The following DCLK1 variants were observed in gnomAD, a reference collection of about 807,000 sequenced individuals.
The protein encoded by DCLK1 is doublecortin like kinase 1, also known as serine/threonine-protein kinase DCLK1.
Under a neutral mutation model 86.2 loss-of-function variants are expected in DCLK1, and 16 were observed. The ratio of observed to expected loss-of-function variants is 0.19; its 90% CI spans 0.13 to 0.28. DCLK1 has a LOEUF of 0.28. DCLK1 is among the 10% of genes least tolerant of loss of function. DCLK1 has a pLI of 1.00. For synonymous variants in DCLK1, 369 were observed against 370.5 expected (o/e 1.00, Z 0.05); for missense variants, 590 against 940.2 (o/e 0.63, Z 4.87).
At chr13:36,111,690 T>A (rs1458344188) in intron 3 of DCLK1, among the ~76,000 whole-genome samples, 179 bp downstream of exon 3, 2 of 152,220 alleles carry the variant, frequency 1.3e-5, no homozygotes, top group African/African-American at 2.4e-5. Context: ...TTTATTCCTA[T>A]GAATAATCCT....
intron 15 of DCLK1, among the ~76,000 whole-genome samples, chr13:35,804,296 ATTT>A (rs71081286): frequency 0.041 from 5,670 of 139,554 alleles, 327 homozygotes; most frequent in African/African-American, 0.13. Flanking sequence ...ATGCCTAGCT[ATTT>A]TTTTTTTTTT....
chr13:35,978,198 CTTTTCTTTTTTTTT>C (rs1367643631), intron 3 of DCLK1, among the ~76,000 whole-genome samples: 3 of 112,172 alleles, frequency 2.7e-5, no homozygotes, highest in Non-Finnish European at 5.7e-5. Context: ...TTTTTCTTTT[CTTTTCTTTTTTTTT>C]TTTTTTTTTT....
At chr13:35,836,828 C>T (rs1869419285) in intron 7 of DCLK1, among the ~76,000 whole-genome samples, 1 of 152,146 alleles carries the variant, frequency 6.6e-6, no homozygotes, top group Non-Finnish European at 1.5e-5. Flanking sequence ...CCTGAAAATG[C>T]ATTTTGAAAT....
intron 3 of DCLK1, among the ~76,000 whole-genome samples, chr13:36,071,856 C>G (rs1172295519): frequency 6.6e-6 from 1 of 152,080 alleles, no homozygotes; most frequent in Non-Finnish European, 1.5e-5. Flanking sequence ...TTAATTAATT[C>G]AAACACAACA....
chr13:35,818,881 G>A (rs949112070), intron 11 of DCLK1, among the ~76,000 whole-genome samples: 5 of 151,248 alleles, frequency 3.3e-5, no homozygotes, highest in African/African-American at 7.3e-5. Flanking sequence ...ACACATACAC[G>A]CATACATACA....
chr13:35,941,938 G>T (rs1877106686), intron 4 of DCLK1, among the ~76,000 whole-genome samples: 1 of 152,102 alleles, frequency 6.6e-6, no homozygotes, highest in Admixed American at 6.5e-5. Flanking sequence ...CACACGTGCT[G>T]CTGTGAAAAC....
chr13:35,952,242 C>T (rs1047287120), intron 3 of DCLK1, among the ~76,000 whole-genome samples: 5 of 152,178 alleles, frequency 3.3e-5, no homozygotes, highest in African/African-American at 1.2e-4. Context: ...TTTATACCAA[C>T]ATGCTTCTTT....
intron 3 of DCLK1, among the ~76,000 whole-genome samples, chr13:36,045,250 C>A: frequency 8.1e-6 from 1 of 123,700 alleles, no homozygotes; most frequent in Non-Finnish European, 1.7e-5. Flanking sequence ...TATTCAAAAT[C>A]CATCTTCTAT....
intron 5 of DCLK1, among the ~76,000 whole-genome samples, chr13:35,866,147 T>C (rs1871774115): frequency 6.6e-6 from 1 of 152,268 alleles, no homozygotes. Context: ...TGCCTCTGTG[T>C]CCTTATTTCT....
intron 4 of DCLK1, among the ~76,000 whole-genome samples, chr13:35,931,005 T>A (rs549589551): frequency 2.0e-5 from 3 of 152,354 alleles, no homozygotes; most frequent in Admixed American, 1.3e-4. Flanking sequence ...TGTGTTTACG[T>A]TTATCTTTTA....
At chr13:35,970,559 C>T (rs1039911783) in intron 3 of DCLK1, among the ~76,000 whole-genome samples, 5 of 152,178 alleles carry the variant, frequency 3.3e-5, no homozygotes, top group African/African-American at 7.2e-5. Flanking sequence ...GGACTATTGG[C>T]GGTGGGCTCT....
chr13:36,066,901 G>A (rs1367955729), intron 3 of DCLK1, among the ~76,000 whole-genome samples: 1 of 150,400 alleles, frequency 6.6e-6, no homozygotes, highest in Non-Finnish European at 1.5e-5. Context: ...TAAAAAGTCA[G>A]GAAACAACAG....
intron 6 of DCLK1, among the ~76,000 whole-genome samples, chr13:35,843,695 G>C (rs890585508): frequency 6.6e-6 from 1 of 152,134 alleles, no homozygotes; most frequent in African/African-American, 2.4e-5. Flanking sequence ...TTTAGCTTTG[G>C]CTGGATAATT....
chr13:35,771,535 G>T lies in DCLK1; in HGVS notation c.*3000C>A, dbSNP rs1195065647. 1 of 152,138 alleles carries T rather than the reference G, an allele frequency of 6.6e-6. No homozygotes were observed. Among genetic ancestry groups the T allele is most frequent in the Non-Finnish European group, 1.5e-5 (1 of 68,026 alleles). 9.4% of individuals were successfully genotyped at this position (152,138 alleles called of 1,614,324 possible). On this transcript the variant is annotated 3_prime_UTR_variant, in exon 17 of 17. Coordinates refer to ENST00000360631, the MANE Select transcript of DCLK1 (RefSeq NM_001330071.2). ...TTCTGCTACAATGTTGAGAAAAAATGTGTTCATTAATATGAACACATGTCT... is the reference window on the plus strand; with the variant it reads ...TTCTGCTACAATGTTGAGAAAAAATTTGTTCATTAATATGAACACATGTCT...
At chr13:36,093,685 A>G (rs1884911765) in intron 3 of DCLK1, among the ~76,000 whole-genome samples, 1 of 152,054 alleles carries the variant, frequency 6.6e-6, no homozygotes, top group African/African-American at 2.4e-5. Flanking sequence ...TTCTTTCAGG[A>G]ATTCCTTCAC....
intron 3 of DCLK1, among the ~76,000 whole-genome samples, chr13:35,994,291 G>T (rs1405670890): frequency 3.3e-5 from 5 of 152,118 alleles, no homozygotes; most frequent in Admixed American, 2.6e-4. Flanking sequence ...GGAGCCAAGC[G>T]AATTAGTCAG....
intron 3 of DCLK1, among the ~76,000 whole-genome samples, chr13:36,051,693 G>A (rs765723440): frequency 3.9e-5 from 6 of 152,164 alleles, no homozygotes; most frequent in Non-Finnish European, 8.8e-5. Context: ...TGATTTAAGC[G>A]AAGAATGGTA....
At chr13:35,913,969 C>A (rs556895665) in intron 4 of DCLK1, among the ~76,000 whole-genome samples, 2 of 152,120 alleles carry the variant, frequency 1.3e-5, no homozygotes, top group Non-Finnish European at 2.9e-5. Flanking sequence ...ATTTTAATTC[C>A]AATTTGGTTA....
intron 3 of DCLK1, among the ~76,000 whole-genome samples, chr13:36,044,933 G>A (rs1346332763): frequency 6.6e-6 from 1 of 151,914 alleles, no homozygotes; most frequent in Non-Finnish European, 1.5e-5. Flanking sequence ...CCTCTGCTTT[G>A]TTATACATCT....
Sources: gnomAD v4.1 joint callset for allele counts (sites outside exome capture counted in the v4.1 genomes callset) on GRCh38, gnomAD v4.1.1 for gene constraint, MANE v1.5 for transcripts, NCBI Gene and HGNC (gene_info 2026-07-23, HGNC 2026-07-21) for gene names.